MALRD1: variants seen among roughly 807,000 people sequenced by gnomAD.
MALRD1 encodes the protein MAM and LDL-receptor class A domain-containing protein 1.
MALRD1 carries 247 observed loss-of-function variants against 242.1 expected under a neutral mutation model. The ratio of observed to expected loss-of-function variants is 1.02; its 90% CI spans 0.92 to 1.13. The LOEUF is 1.13. MALRD1 is among the 50% of genes most tolerant of loss of function. The pLI is 0.00. For synonymous variants in MALRD1, 995 were observed against 866.6 expected (o/e 1.15, Z -2.60); for missense variants, 2,989 against 2,533.1 (o/e 1.18, Z -3.86).
intron 28 of MALRD1, among the ~76,000 whole-genome samples, chr10:19,446,428 A>G (rs1488152986): frequency 6.6e-6 from 1 of 152,244 alleles, no homozygotes; most frequent in Non-Finnish European, 1.5e-5. Flanking sequence ...AAAGAGAGGT[A>G]TTATTTAAAT....
chr10:19,377,799 G>A (rs557481167), intron 26 of MALRD1, among the ~76,000 whole-genome samples: 5 of 152,126 alleles, frequency 3.3e-5, no homozygotes, highest in Non-Finnish European at 5.9e-5. Context: ...TGCATTGCCA[G>A]TATTCTATAA....
At chr10:19,318,385 A>G (rs2132017873) in intron 21 of MALRD1, among the ~76,000 whole-genome samples, 2 of 151,778 alleles carry the variant, frequency 1.3e-5, no homozygotes, top group Middle Eastern at 3.4e-3. Context: ...TTTTCCCTGC[A>G]GGTGAAAGGG....
chr10:19,381,628 G>A (rs1286065304), intron 26 of MALRD1, among the ~76,000 whole-genome samples: 2 of 149,768 alleles, frequency 1.3e-5, no homozygotes, highest in Non-Finnish European at 1.5e-5. Context: ...AGGAGTTCCG[G>A]ACCAGCCTGG....
chr10:19,166,122 A>G (rs1443101759), intron 13 of MALRD1, among the ~76,000 whole-genome samples: 1 of 152,238 alleles, frequency 6.6e-6, no homozygotes, highest in Non-Finnish European at 1.5e-5. Flanking sequence ...AATGGAGATA[A>G]GAAATGAATA....
intron 36 of MALRD1, among the ~76,000 whole-genome samples, chr10:19,630,201 T>A: frequency 6.6e-6 from 1 of 152,182 alleles, no homozygotes; most frequent in East Asian, 1.9e-4. Flanking sequence ...TGGTTTATGT[T>A]CCTAAGTTTA....
At chr10:19,387,815 A>C in intron 27 of MALRD1, 42 bp downstream of exon 27, 1 of 1,526,312 alleles carries the variant, frequency 6.6e-7, no homozygotes, top group Non-Finnish European at 8.8e-7. Context: ...CATGATTTTC[A>C]CAATGTACAT....
At chr10:19,470,392 A>G (rs1192941988) in intron 29 of MALRD1, among the ~76,000 whole-genome samples, 1 of 152,006 alleles carries the variant, frequency 6.6e-6, no homozygotes, top group Non-Finnish European at 1.5e-5. Flanking sequence ...TAATGCTGCA[A>G]TTACGATACC....
intron 20 of MALRD1, among the ~76,000 whole-genome samples, chr10:19,280,543 A>G (rs1222176354): frequency 1.3e-5 from 2 of 152,290 alleles, no homozygotes; most frequent in East Asian, 3.9e-4. Flanking sequence ...TCCTCACACT[A>G]TAAAATAGGG....
At chr10:19,305,741 CTA>C (rs1842134540) in intron 21 of MALRD1, among the ~76,000 whole-genome samples, 2 of 145,514 alleles carry the variant, frequency 1.4e-5, no homozygotes, top group South Asian at 4.2e-4. Flanking sequence ...TCAACCAATT[CTA>C]TATACAGAGA....
intron 21 of MALRD1, among the ~76,000 whole-genome samples, chr10:19,301,735 G>A (rs754040944): frequency 2.0e-5 from 3 of 151,756 alleles, no homozygotes; most frequent in Non-Finnish European, 2.9e-5. Context: ...GGAGGAGGGC[G>A]AGGATTGAAA....
intron 38 of MALRD1, chr10:19,711,141 T>C (rs901291528): frequency 6.6e-6 from 1 of 152,228 alleles, no homozygotes; most frequent in African/African-American, 2.4e-5. Context: ...CCTGATAGAT[T>C]CTTTTTTGCT....
intron 38 of MALRD1, among the ~76,000 whole-genome samples, chr10:19,726,852 G>A (rs1835049476): frequency 6.6e-6 from 1 of 152,110 alleles, no homozygotes; most frequent in African/African-American, 2.4e-5. Context: ...AACACAAAAG[G>A]ACAAATACTG....
At chr10:19,483,896 T>C (rs1048001935) in intron 29 of MALRD1, among the ~76,000 whole-genome samples, 4 of 152,092 alleles carry the variant, frequency 2.6e-5, no homozygotes, top group South Asian at 2.1e-4. Context: ...CAACAGTGGA[T>C]TGAATAAAGA....
intron 18 of MALRD1, among the ~76,000 whole-genome samples, chr10:19,226,321 A>G (rs1837798829): frequency 6.6e-6 from 1 of 152,200 alleles, no homozygotes; most frequent in African/African-American, 2.4e-5. Context: ...AGGATAGAAA[A>G]GTACATTTTC....
At chr10:19,533,491 G>A (rs1834520334) in intron 32 of MALRD1, among the ~76,000 whole-genome samples, 1 of 151,974 alleles carries the variant, frequency 6.6e-6, no homozygotes, top group Non-Finnish European at 1.5e-5. Flanking sequence ...ACCTGAGACT[G>A]GTAATTTATA....
At chr10:19,308,752 GT>G (rs1471316457) in intron 21 of MALRD1, among the ~76,000 whole-genome samples, 2 of 151,606 alleles carry the variant, frequency 1.3e-5, no homozygotes, top group Non-Finnish European at 3.0e-5. Context: ...GAGAAAAAGT[GT>G]GCCTTTCCTA....
chr10:19,569,537 C>T (rs1836412627), intron 33 of MALRD1, among the ~76,000 whole-genome samples: 1 of 151,142 alleles, frequency 6.6e-6, no homozygotes. Flanking sequence ...GCTTTCTCAA[C>T]TTCTTTCAGC....
At chr10:19,326,512 G>C (rs1331431750) in intron 22 of MALRD1, among the ~76,000 whole-genome samples, 1 of 151,878 alleles carries the variant, frequency 6.6e-6, no homozygotes, top group East Asian at 1.9e-4. Context: ...TTAATATAAA[G>C]AAGACTCATT....
At chr10:19,545,902 G>T (rs1835186136) in intron 32 of MALRD1, among the ~76,000 whole-genome samples, 1 of 152,126 alleles carries the variant, frequency 6.6e-6, no homozygotes. Context: ...TTGCTATTCA[G>T]TCTATCTGTG....
Sources: allele counts gnomAD v4.1 joint callset (sites outside exome capture counted in the v4.1 genomes callset), GRCh38; gene constraint gnomAD v4.1.1; transcripts MANE v1.5; gene names NCBI Gene and HGNC (gene_info 2026-07-23, HGNC 2026-07-21).